The following ELAVL1 variants were observed in gnomAD, a reference collection of about 807,000 sequenced individuals.
ELAVL1 encodes the protein ELAV like RNA binding protein 1.
Under a neutral mutation model 28.4 loss-of-function variants are expected in ELAVL1, and 1 was observed. That is an observed-to-expected ratio of 0.04 (90% CI 0.01 to 0.17). The LOEUF is 0.17. ELAVL1 is among the 10% of genes least tolerant of loss of function. ELAVL1 has a pLI of 1.00. For missense variants in ELAVL1, 157 were observed against 447.2 expected, an observed-to-expected ratio of 0.35 and a Z score of 5.85; for synonymous variants, 174 against 183.5, an observed-to-expected ratio of 0.95 and a Z score of 0.42.
chr19:7,960,527 C>T lies in ELAVL1; in HGVS notation c.*2956G>A, dbSNP rs1265597566. ...GCGGCTTGGCAAATTACACTGAAAA[C>T]GAAATAATGGCAGAGCCAAGGGGGA... On this transcript the variant is annotated 3_prime_UTR_variant, in exon 6 of 6. Coordinates refer to ENST00000407627, the MANE Select transcript of ELAVL1 (RefSeq NM_001419.3). The T allele has an allele frequency of 2.6e-5, 4 of 152,318 alleles. No homozygotes were observed. The highest frequency in any genetic ancestry group is 7.2e-5 in the African/African-American group (3 of 41,422). The allele number at this position is 152,318 out of a possible 1,614,324, so 9.4% of individuals were successfully genotyped here.
rs2081073292 is a variant in ELAVL1 at position 8,002,981 on chromosome 19, G to C, written c.-17+2514C>G. ...GGATACAATTAGATGTGCATTTACA[G>C]AACAGAACTCCTGCTGGAGTGTGGA... On this transcript the variant is annotated intron_variant, in intron 1 of 5. Transcript: ENST00000407627. Among the ~76,000 whole-genome samples, 5 of 152,176 alleles carry C rather than the reference G, an allele frequency of 3.3e-5. No homozygotes were observed. In the South Asian group the frequency reaches 1.0e-3, roughly 32 times the overall value.
chr19:7,991,608 A>T (rs1466221317), intron 2 of ELAVL1, 36 bp downstream of exon 2: 1 of 1,589,398 alleles, frequency 6.3e-7, no homozygotes, highest in Non-Finnish European at 8.6e-7. Context: ...GATGGCCACC[A>T]ATACCCGGTT....
intron 1 of ELAVL1, among the ~76,000 whole-genome samples, chr19:8,004,524 G>C (rs2081080211): frequency 6.6e-6 from 1 of 152,232 alleles, no homozygotes; most frequent in African/African-American, 2.4e-5. Flanking sequence ...GTGGGTAGAG[G>C]CCAGGAATAC....
rs184167911 is a variant in ELAVL1, at chr19:7,973,930, T to C, written c.277-52A>G. 2.9e-4 allele frequency: 457 copies of C among 1,598,188 alleles called. No individual in the cohort carries two copies. In the African/African-American group the frequency reaches 5.1e-3, roughly 18 times the overall value. Reference sequence around the variant, plus strand: ...TTAGTACAGGCACGTGGCCAAAGCATTGAGGAGGGTGTTGAATGCTGGGTT... The same window carrying C: ...TTAGTACAGGCACGTGGCCAAAGCACTGAGGAGGGTGTTGAATGCTGGGTT... On this transcript the variant is annotated intron_variant, in intron 3 of 5. Transcript: ENST00000407627.
chr19:7,985,724 G>A (rs932818510), intron 2 of ELAVL1, among the ~76,000 whole-genome samples: 4 of 152,234 alleles, frequency 2.6e-5, no homozygotes, highest in African/African-American at 7.2e-5. Context: ...TGGGAGATAC[G>A]GGGAAGCAGG....
chr19:7,996,728 G>A (rs1025019533), intron 1 of ELAVL1, among the ~76,000 whole-genome samples: 2 of 152,028 alleles, frequency 1.3e-5, no homozygotes, highest in Non-Finnish European at 2.9e-5. Context: ...CAGGAGAATC[G>A]CTTGAACCTG....
rs1421867296 is a variant in ELAVL1 at position 7,979,941 on chromosome 19, C to T, written c.276+1142G>A. ...AGGCAAAAATCCAGGCTCCCAGGCC[C>T]ACCCTGCAGTGACTCAGGAGGCCCC... On this transcript the variant is annotated intron_variant, in intron 3 of 5. Coordinates refer to ENST00000407627, the MANE Select transcript of ELAVL1 (RefSeq NM_001419.3). This position sits in a 1 kb window ranked among gnomAD's most constrained non-coding sequence, Gnocchi z 5.4. 6.6e-6 allele frequency among the ~76,000 whole-genome samples: 1 copy of T among 152,198 alleles called. No homozygotes were observed. Among genetic ancestry groups the T allele is most frequent in the Non-Finnish European group, 1.5e-5 (1 of 68,034 alleles).
intron 4 of ELAVL1, among the ~76,000 whole-genome samples, chr19:7,971,846 G>A (rs1485249167): frequency 6.6e-6 from 1 of 152,232 alleles, no homozygotes; most frequent in African/African-American, 2.4e-5. Context: ...GAAAGGAGGA[G>A]GAAGAGAGAC....
rs1985479907 is a variant in ELAVL1, at chr19:7,982,076, T to C, written c.173-890A>G. Among the ~76,000 whole-genome samples, 1 of 152,102 alleles carries C rather than the reference T, an allele frequency of 6.6e-6. No individual in the cohort carries two copies. Among genetic ancestry groups the C allele is most frequent in the Non-Finnish European group, 1.5e-5 (1 of 67,996 alleles). On this transcript the variant is annotated intron_variant, in intron 2 of 5. Transcript: ENST00000407627. The surrounding 1 kb of genome is among the most constrained non-coding windows in gnomAD (Gnocchi z 4.3). Reference sequence around the variant, plus strand: ...CAGGCAGATGTCCCTGTACCCCCTTTGTGAAACACTCAGCACAGGTACAAG... The same window carrying C: ...CAGGCAGATGTCCCTGTACCCCCTTCGTGAAACACTCAGCACAGGTACAAG...
chr19:7,984,623 T>G (rs1261875744), intron 2 of ELAVL1, among the ~76,000 whole-genome samples: 157 of 152,110 alleles, frequency 1.0e-3, no homozygotes, highest in Non-Finnish European at 2.8e-4. Flanking sequence ...GGACAGGTAG[T>G]GGGGGCAGGC....
intron 4 of ELAVL1, chr19:7,973,515 C>T: frequency 1.1e-5 from 7 of 634,574 alleles, no homozygotes; most frequent in Non-Finnish European, 1.8e-5. Context: ...CAGGCGTGAG[C>T]CACCACGCCC....
intron 2 of ELAVL1, among the ~76,000 whole-genome samples, chr19:7,983,076 G>T (rs1985505649): frequency 6.6e-6 from 1 of 152,208 alleles, no homozygotes; most frequent in Non-Finnish European, 1.5e-5. Flanking sequence ...CACACTTAAG[G>T]CATGGCCCTG....
At chr19:7,980,457 C>G (rs1317316517) in intron 3 of ELAVL1, among the ~76,000 whole-genome samples, 2 of 152,170 alleles carry the variant, frequency 1.3e-5, no homozygotes, top group African/African-American at 2.4e-5. Context: ...GAGCGCGGGT[C>G]AGATGATGAG....
Position 7,981,269 on chromosome 19 carries a change from T to A in ELAVL1, c.173-83A>T. On this transcript the variant is annotated intron_variant, in intron 2 of 5. Transcript: ENST00000407627. The surrounding 1 kb of genome is among the most constrained non-coding windows in gnomAD (Gnocchi z 4.2). ...GAGGTCGGGAAGCACTATATCTGCCTGGCCTTTGGGAAATGGGATTACAGG... is the reference window on the plus strand; with the variant it reads ...GAGGTCGGGAAGCACTATATCTGCCAGGCCTTTGGGAAATGGGATTACAGG... 7.4e-7 allele frequency: 1 copy of A among 1,359,140 alleles called. No homozygotes were observed. The highest frequency in any genetic ancestry group is 1.1e-6 in the Non-Finnish European group (1 of 951,072). 84.2% of individuals were successfully genotyped at this position (1,359,140 alleles called of 1,614,324 possible).
intron 2 of ELAVL1, among the ~76,000 whole-genome samples, chr19:7,986,505 A>G (rs1180688392): frequency 6.6e-6 from 1 of 152,206 alleles, no homozygotes; most frequent in African/African-American, 2.4e-5. Flanking sequence ...AAGGTGAGAA[A>G]TCCTGCCAAG....
Position 7,963,573 on chromosome 19 carries a change from T to G in ELAVL1, c.891A>C (p.Glu297Asp), listed in dbSNP as rs769730671. The G allele has an allele frequency of 5.6e-6, 9 of 1,614,156 alleles. No individual in the cohort carries two copies. The highest frequency in any genetic ancestry group is 7.6e-6 in the Non-Finnish European group (9 of 1,180,054). The change falls in exon 6 of 6, where the codon GAA (glutamate) becomes GAC (aspartate). Residue 297 changes from glutamate to aspartate, a missense_variant. This residue lies in a region of ELAVL1 where 107 missense variants were observed against 310.4 expected (regional missense o/e 0.34). Coordinates refer to ENST00000407627, the MANE Select transcript of ELAVL1 (RefSeq NM_001419.3). The surrounding 1 kb of genome is among the most constrained non-coding windows in gnomAD (Gnocchi z 4.5). Reference sequence around the variant, plus strand: ...TCAGGCTGGCTATGGCCATCGCGGCTTCTTCATAGTTTGTCATGGTCACAA... The same window carrying G: ...TCAGGCTGGCTATGGCCATCGCGGCGTCTTCATAGTTTGTCATGGTCACAA... ...FGFVTMTNYE[E>D]AAMAIASLNG...
rs1985478142 is a variant in ELAVL1 at position 7,982,012 on chromosome 19, TC to T, written c.173-827del. Reference sequence around the variant, plus strand: ...CCAGGGAGAGGCCAGGGGCTGAGAATCCCCAGCCCTGCCAGACAGTGGGGGA... The same window carrying T: ...CCAGGGAGAGGCCAGGGGCTGAGAATCCCAGCCCTGCCAGACAGTGGGGGA... On this transcript the variant is annotated intron_variant, in intron 2 of 5. Transcript: ENST00000407627. This position sits in a 1 kb window ranked among gnomAD's most constrained non-coding sequence, Gnocchi z 4.3. 6.6e-6 allele frequency among the ~76,000 whole-genome samples: 1 copy of T among 152,040 alleles called. No individual in the cohort carries two copies. Among genetic ancestry groups the T allele is most frequent in the Non-Finnish European group, 1.5e-5 (1 of 68,016 alleles).
chr19:7,960,246 C>A lies in ELAVL1; in HGVS notation c.*3237G>T, dbSNP rs1984767891. 1.3e-5 allele frequency: 2 copies of A among 152,212 alleles called. No homozygotes were observed. The highest frequency in any genetic ancestry group is 1.3e-4 in the Admixed American group (2 of 15,292). 9.4% of individuals were successfully genotyped at this position (152,212 alleles called of 1,614,324 possible). On this transcript the variant is annotated 3_prime_UTR_variant, in exon 6 of 6. Transcript: ENST00000407627. ...GCTCCCAACAGCAGCACGGTTCAGT[C>A]CCTGGAGGCTGGGTCTCCAGGACTA...
chr19:7,973,811 C>A lies in ELAVL1; in HGVS notation c.344G>T (p.Arg115Leu). ...DANLYISGLP[R>L]TMTQKDVEDM... is the part of the protein sequence containing the mutation. Reference sequence around the variant, plus strand: ...TTCTACGTCCTTCTGGGTCATGGTCCGCGGGAGCCCGCTGATGTACAAGTT... The same window carrying A: ...TTCTACGTCCTTCTGGGTCATGGTCAGCGGGAGCCCGCTGATGTACAAGTT... The change falls in exon 4 of 6, where the codon CGG (arginine) becomes CTG (leucine). Residue 115 changes from arginine (R) to leucine (L), a missense_variant. Physicochemically the swap from Arg to Leu is moderately radical, Grantham distance 102. Transcript: ENST00000407627. 6.2e-7 allele frequency: 1 copy of A among 1,614,084 alleles called. No individual in the cohort carries two copies. The highest frequency in any genetic ancestry group is 8.5e-7 in the Non-Finnish European group (1 of 1,180,016).
Sources: gnomAD v4.1 joint callset for allele counts (sites outside exome capture counted in the v4.1 genomes callset) on GRCh38, gnomAD v4.1.1 for gene constraint, gnomAD v4.1.1 regional missense constraint, Gnocchi (gnomAD v3.1) non-coding constraint, MANE v1.5 for transcripts, NCBI Gene and HGNC (gene_info 2026-07-23, HGNC 2026-07-21) for gene names.